The following CDC37L1 variants were observed in gnomAD, a reference collection of about 807,000 sequenced individuals.
The protein encoded by CDC37L1 is cell division cycle 37 like 1, HSP90 cochaperone.
In CDC37L1, 32 loss-of-function variants were observed where a neutral mutation model predicts 45.9. That is an observed-to-expected ratio of 0.70 (90% CI 0.53 to 0.94). The LOEUF (loss-of-function observed/expected upper bound fraction) is 0.94. Ranked by LOEUF, CDC37L1 falls within the 40% of genes least tolerant of loss-of-function variation. CDC37L1 has a pLI of 0.00. For missense variants in CDC37L1, 434 were observed against 405.7 expected (o/e 1.07, Z -0.60); for synonymous variants, 150 against 133.0 (o/e 1.13, Z -0.88).
chr9:4,701,358 G>C (rs1241279549), intron 5 of CDC37L1, among the ~76,000 whole-genome samples: 1 of 152,148 alleles, frequency 6.6e-6, no homozygotes, highest in Admixed American at 6.5e-5. Context: ...GTTGACTATT[G>C]AATTCTATTT....
intron 1 of CDC37L1, among the ~76,000 whole-genome samples, chr9:4,683,452 G>C (rs953400456): frequency 1.3e-5 from 2 of 152,146 alleles, no homozygotes; most frequent in African/African-American, 4.8e-5. Context: ...TCTGGATGAA[G>C]ATAGGAGTTT....
At chr9:4,704,866 A>G (rs10114246) in intron 6 of CDC37L1, among the ~76,000 whole-genome samples, 93,660 of 151,908 alleles carry the variant, frequency 0.62, 30,848 homozygotes, top group African/African-American at 0.85. Context: ...TATCCTGTAG[A>G]CTAGTTTTTA....
At chr9:4,701,817 G>C (rs1841400016) in intron 5 of CDC37L1, 47 bp from the exon 6 acceptor site, 2 of 1,432,708 alleles carry the variant, frequency 1.4e-6, no homozygotes, top group African/African-American at 1.5e-5. Flanking sequence ...ACTATGTCTA[G>C]AAATCTTGAA....
intron 1 of CDC37L1, among the ~76,000 whole-genome samples, chr9:4,684,483 A>G (rs757831562): frequency 2.6e-5 from 4 of 152,222 alleles, no homozygotes; most frequent in Non-Finnish European, 5.9e-5. Context: ...AAGAATTTGG[A>G]GAACAAAATT....
chr9:4,700,679 A>G (rs1329012910), intron 5 of CDC37L1, among the ~76,000 whole-genome samples: 1 of 152,170 alleles, frequency 6.6e-6, no homozygotes, highest in African/African-American at 2.4e-5. Context: ...AATCACTTTC[A>G]TGGTATGCTT....
In CDC37L1 at chr9:4,701,864, G is replaced by T; in HGVS notation, c.748G>T (p.Ala250Ser). The stretch of plus-strand genomic sequence containing the variant: ...TTGTTTTTTTTTTTGTTTTTTCTAG[G>T]CAGAGGAAGAAGGTTATTTTGAAGC... ...CFRLFFQKAK[A>S]EEEGYFEAFK... The change falls in exon 6 of 7, where the codon GCA becomes TCA. Residue 250 changes from alanine (A) to serine (S), a missense_variant and splice_region_variant. Transcript: ENST00000381854. 6.3e-7 allele frequency: 1 copy of T among 1,591,926 alleles called. No homozygotes were observed. Among genetic ancestry groups the T allele is most frequent in the Admixed American group, 1.8e-5 (1 of 56,140 alleles).
At chr9:4,702,801 A>G (rs1455973846) in intron 6 of CDC37L1, among the ~76,000 whole-genome samples, 1 of 145,966 alleles carries the variant, frequency 6.9e-6, no homozygotes, top group Non-Finnish European at 1.5e-5. Flanking sequence ...AGGCAGGAGA[A>G]TGGCGTGAAC....
chr9:4,685,600 T>C (rs1463029039), intron 2 of CDC37L1: 3 of 158,272 alleles, frequency 1.9e-5, no homozygotes, highest in African/African-American at 7.2e-5. Context: ...AGTGACTTGA[T>C]AACTTAGTGG....
chr9:4,698,026 T>C (rs1355864116), intron 5 of CDC37L1, 147 bp downstream of exon 5: 1 of 707,336 alleles, frequency 1.4e-6, no homozygotes, highest in Admixed American at 2.8e-5. Flanking sequence ...TTTATATTGC[T>C]AATTTCTTGC....
At position 4,701,969 on chromosome 9, in the gene CDC37L1, C is replaced by A; in HGVS notation, c.853C>A (p.Gln285Lys). 6.4e-7 allele frequency: 1 copy of A among 1,557,876 alleles called. No homozygotes were observed. The highest frequency in any genetic ancestry group is 1.2e-5 in the South Asian group (1 of 82,670). ...QSQSFQPMTV[Q>K]NHVPHSGVGS... ...ACAAAGTTTTCAACCTATGACAGTT[C>A]AGAATCATGTTCCCCATTCTGGTGT... Residue 285 changes from glutamine to lysine, a missense_variant, in exon 6 of 7, where the codon CAG becomes AAG. Coordinates refer to ENST00000381854, the MANE Select transcript of CDC37L1 (RefSeq NM_017913.4).
chr9:4,679,575 C>T lies in CDC37L1; in HGVS notation c.-193C>T, dbSNP rs1208462978. The T allele has an allele frequency of 5.8e-6, 3 of 519,114 alleles. No individual in the cohort carries two copies. The highest frequency in any genetic ancestry group is 5.9e-5 in the South Asian group (2 of 33,756). 32.2% of individuals were successfully genotyped at this position (519,114 alleles called of 1,614,324 possible). On this transcript the variant is annotated 5_prime_UTR_variant, in exon 1 of 7. Transcript: ENST00000381854. Reference sequence around the variant, plus strand: ...CGCACCGCGCCGACTATTTCTTCCGCCGTCCGCCGGTGGCGAGGCCCAGGC... The same window carrying T: ...CGCACCGCGCCGACTATTTCTTCCGTCGTCCGCCGGTGGCGAGGCCCAGGC...
At chr9:4,686,047 C>T (rs564925144) in intron 2 of CDC37L1, among the ~76,000 whole-genome samples, 1 of 152,132 alleles carries the variant, frequency 6.6e-6, no homozygotes, top group African/African-American at 2.4e-5. Context: ...CCTGTATTGC[C>T]TTAGTCCCAG....
At chr9:4,701,066 A>G (rs1841391639) in intron 5 of CDC37L1, among the ~76,000 whole-genome samples, 1 of 152,236 alleles carries the variant, frequency 6.6e-6, no homozygotes, top group Admixed American at 6.5e-5. Flanking sequence ...TTTCAATAGA[A>G]GCTGATGGTA....
chr9:4,685,915 C>T (rs143565228), intron 2 of CDC37L1, among the ~76,000 whole-genome samples: 2 of 152,284 alleles, frequency 1.3e-5, no homozygotes, highest in African/African-American at 2.4e-5. Context: ...GTAATCCCAG[C>T]GCTTTGGGAG....
chr9:4,686,473 G>A (rs921468685), intron 2 of CDC37L1, among the ~76,000 whole-genome samples: 2 of 151,996 alleles, frequency 1.3e-5, no homozygotes, highest in Admixed American at 6.6e-5. Flanking sequence ...TTTCTGTTCT[G>A]CATTTATATC....
In CDC37L1 at chr9:4,706,018, A is replaced by G; in HGVS notation, c.920A>G (p.Asp307Gly). 1 of 1,553,196 alleles carries G rather than the reference A, an allele frequency of 6.4e-7. No homozygotes were observed. Among genetic ancestry groups the G allele is most frequent in the Non-Finnish European group, 8.9e-7 (1 of 1,127,840 alleles). ...GLLESLPQNP[D>G]YLQYSISTAL... ...CCTTTTCTTTTTCCCCAGAATCCAG[A>G]TTATCTTCAGTATTCTATCAGTACA... The change falls in exon 7 of 7, where the codon GAT becomes GGT. Residue 307 changes from aspartate (D) to glycine (G), a missense_variant. Transcript: ENST00000381854.
intron 2 of CDC37L1, among the ~76,000 whole-genome samples, chr9:4,687,492 A>G (rs1207680300): frequency 6.6e-6 from 1 of 152,058 alleles, no homozygotes; most frequent in Non-Finnish European, 1.5e-5. Context: ...CAGCCTGGGC[A>G]ACATAGCAAG....
chr9:4,697,875 C>T lies in CDC37L1; in HGVS notation c.743C>T (p.Ala248Val), dbSNP rs749696827. The part of the protein sequence containing the change: ...RGCFRLFFQK[A>V]KAEEEGYFEA... ...TGTTTTCGTTTATTTTTCCAGAAAG[C>T]CAAAGTAAGTAGTTATTTGATATTG... The change falls in exon 5 of 7, where the codon GCC becomes GTC. Residue 248 changes from alanine (A) to valine (V), a missense_variant. Ala to Val is a moderately conservative substitution (Grantham distance 64). Transcript: ENST00000381854. 6.2e-7 allele frequency: 1 copy of T among 1,612,788 alleles called. No homozygotes were observed.
At chr9:4,705,249 T>A (rs7040759) in intron 6 of CDC37L1, among the ~76,000 whole-genome samples, 6,115 of 152,166 alleles carry the variant, frequency 0.04, 423 homozygotes, top group African/African-American at 0.14. Flanking sequence ...CTAGCAGATA[T>A]TCGGAACAAT....
Sources: allele counts gnomAD v4.1 joint callset (sites outside exome capture counted in the v4.1 genomes callset), GRCh38; gene constraint gnomAD v4.1.1; transcripts MANE v1.5; gene names NCBI Gene and HGNC (gene_info 2026-07-23, HGNC 2026-07-21).